The following CPSF3 variants were observed in gnomAD, a reference collection of about 807,000 sequenced individuals.
The protein encoded by CPSF3 is cleavage and polyadenylation specific factor 3.
Under a neutral mutation model 84.1 loss-of-function variants are expected in CPSF3, and 57 were observed. The observed-to-expected ratio is 0.68, with a 90% CI of 0.55 to 0.85. The LOEUF (loss-of-function observed/expected upper bound fraction) is 0.85, where lower values mean the gene tolerates loss of function less well. Ranked by LOEUF, CPSF3 falls within the 40% of genes least tolerant of loss-of-function variation. The pLI is 0.00. For synonymous variants in CPSF3, 275 were observed against 278.1 expected, an observed-to-expected ratio of 0.99 and a Z score of 0.11; for missense variants, 522 against 838.8, an observed-to-expected ratio of 0.62 and a Z score of 4.66.
chr2:9,465,403 C>T (rs55846341), intron 15 of CPSF3, among the ~76,000 whole-genome samples: 10,497 of 151,914 alleles, frequency 0.069, 1,253 homozygotes, highest in African/African-American at 0.24. Context: ...ATGATTGCAC[C>T]ACCGCACTCC....
In CPSF3 at chr2:9,423,768, T is replaced by G; in HGVS notation, c.-6T>G. On this transcript the variant is annotated 5_prime_UTR_variant, in exon 1 of 18. Coordinates refer to ENST00000238112, the MANE Select transcript of CPSF3 (RefSeq NM_016207.4). ...CTCACCCCCGCTTCGCCCTCACACT[T>G]TCGGGATGTCTGCGATTCCTGCTGA... 6.2e-7 allele frequency: 1 copy of G among 1,613,406 alleles called. No homozygotes were observed.
intron 10 of CPSF3, among the ~76,000 whole-genome samples, chr2:9,444,153 TA>T (rs1259709424): frequency 1.1e-4 from 16 of 141,762 alleles, no homozygotes; most frequent in African/African-American, 4.3e-4. Flanking sequence ...TATATATATA[TA>T]TATATTTTTT....
At position 9,440,665 on chromosome 2, in the gene CPSF3, A is replaced by G. The variant is rs763897913; in HGVS notation, c.935A>G (p.Lys312Arg). The change falls in exon 8 of 18, where the codon AAG becomes AGG. Residue 312 changes from lysine to arginine, a missense_variant and splice_region_variant. By Grantham distance (26) the Lys-to-Arg change is conservative (BLOSUM62 2). Around this residue, in one of 2 missense-constraint regions of CPSF3, gnomAD observed 329 missense variants for 607.2 expected, o/e 0.54. Coordinates refer to ENST00000238112, the MANE Select transcript of CPSF3 (RefSeq NM_016207.4). ...PFVFKHISNL[K>R]SMDHFDDIGP... Reference sequence around the variant, plus strand: ...GTTTTCAAACACATTAGTAACCTCAAGGTGAGTGCTTGTGGAAGAAAGACA... The same window carrying G: ...GTTTTCAAACACATTAGTAACCTCAGGGTGAGTGCTTGTGGAAGAAAGACA... 6.2e-7 allele frequency: 1 copy of G among 1,614,076 alleles called. No homozygotes were observed.
intron 1 of CPSF3, 100 bp downstream of exon 1, chr2:9,423,923 C>A: frequency 6.5e-7 from 1 of 1,528,474 alleles, no homozygotes; most frequent in South Asian, 1.2e-5. Context: ...CCCACCTACC[C>A]CGGCAGCCTG....
At chr2:9,430,374 C>A (rs920782604) in intron 3 of CPSF3, among the ~76,000 whole-genome samples, 1 of 152,162 alleles carries the variant, frequency 6.6e-6, no homozygotes, top group African/African-American at 2.4e-5. Context: ...TTTATTGAAA[C>A]TATTTTTAAA....
chr2:9,440,418 GTGTATCATT>G, intron 7 of CPSF3, 64 bp from the exon 8 acceptor site: 1 of 1,226,530 alleles, frequency 8.2e-7, no homozygotes, highest in Non-Finnish European at 1.2e-6. Flanking sequence ...CTTGTTCTGT[GTGTATCATT>G]TGTTATTTGA....
Position 9,430,778 on chromosome 2 carries a change from T to C in CPSF3, c.239T>C (p.Leu80Pro). 2 of 1,613,742 alleles carry C rather than the reference T, an allele frequency of 1.2e-6. No individual in the cohort carries two copies. Among genetic ancestry groups the C allele is most frequent in the Non-Finnish European group, 1.7e-6 (2 of 1,179,770 alleles). Residue 80 changes from leucine to proline, a missense_variant, in exon 4 of 18, where the codon CTG (leucine) becomes CCG (proline). Physicochemically the swap from Leu to Pro is moderately conservative, Grantham distance 98 (BLOSUM62 -3). Around this residue, in one of 2 missense-constraint regions of CPSF3, gnomAD observed 329 missense variants for 607.2 expected, o/e 0.54. Coordinates refer to ENST00000238112, the MANE Select transcript of CPSF3 (RefSeq NM_016207.4). ...TTCCATTTGGATCACTGTGGAGCTC[T>C]GCCCTGGTTTCTACAGAAGACAAGT... Reference protein sequence around the residue: ...SHFHLDHCGALPWFLQKTSFK... With the variant: ...SHFHLDHCGAPPWFLQKTSFK...
chr2:9,439,687 G>A (rs1475895488), intron 7 of CPSF3, among the ~76,000 whole-genome samples: 1 of 152,054 alleles, frequency 6.6e-6, no homozygotes, highest in Non-Finnish European at 1.5e-5. Flanking sequence ...TGGTTAGTAG[G>A]TTTTTAAAAA....
intron 15 of CPSF3, among the ~76,000 whole-genome samples, chr2:9,465,564 C>CAT (rs1491570858): frequency 1.2e-5 from 1 of 82,212 alleles, no homozygotes; most frequent in African/African-American, 3.1e-5. Context: ...CACACACACA[C>CAT]GCGCGCGCGT....
At chr2:9,455,562 G>A (rs926791438) in intron 12 of CPSF3, 97 bp from the exon 13 acceptor site, 4 of 840,942 alleles carry the variant, frequency 4.8e-6, no homozygotes, top group East Asian at 2.5e-5. Context: ...TGAAAAACAT[G>A]TTCACATTTA....
chr2:9,456,288 G>A (rs941191688), intron 13 of CPSF3, among the ~76,000 whole-genome samples: 7 of 152,160 alleles, frequency 4.6e-5, no homozygotes, highest in Admixed American at 2.6e-4. Flanking sequence ...ATGAGGGGCC[G>A]TGACTAAATT....
At chr2:9,460,725 G>C (rs1456747470) in intron 15 of CPSF3, among the ~76,000 whole-genome samples, 7 of 140,362 alleles carry the variant, frequency 5.0e-5, no homozygotes, top group Non-Finnish European at 9.1e-5. Flanking sequence ...TGCCCAGGCT[G>C]CTCTCAAATG....
At chr2:9,428,209 G>T (rs1342782444) in intron 1 of CPSF3, among the ~76,000 whole-genome samples, 2 of 150,002 alleles carry the variant, frequency 1.3e-5, no homozygotes, top group East Asian at 1.9e-4. Context: ...TGTTAGCCAG[G>T]ATGGGTCTCG....
At chr2:9,471,303 C>T (rs778573918) in intron 16 of CPSF3, 40 bp from the exon 17 acceptor site, 48 of 1,178,282 alleles carry the variant, frequency 4.1e-5, no homozygotes, top group East Asian at 4.7e-5. Flanking sequence ...TATATAAAGC[C>T]GGGCATTTTC....
chr2:9,467,265 T>C (rs1392205502), intron 15 of CPSF3, among the ~76,000 whole-genome samples: 2 of 152,122 alleles, frequency 1.3e-5, no homozygotes, highest in Non-Finnish European at 2.9e-5. Flanking sequence ...TTAAAATAAT[T>C]ATATCTAATA....
chr2:9,453,668 G>A (rs1199661806), intron 12 of CPSF3, among the ~76,000 whole-genome samples: 1 of 151,928 alleles, frequency 6.6e-6, no homozygotes, highest in African/African-American at 2.4e-5. Flanking sequence ...CGAGGCAGGT[G>A]GATCACGAGG....
intron 15 of CPSF3, among the ~76,000 whole-genome samples, chr2:9,461,950 C>T (rs188974708): frequency 9.5e-4 from 144 of 151,838 alleles, no homozygotes; most frequent in Non-Finnish European, 1.9e-3. Flanking sequence ...TTAGTAGGGA[C>T]GGGGTTTCTC....
intron 15 of CPSF3, 32 bp from the exon 16 acceptor site, chr2:9,467,675 A>G: frequency 1.3e-6 from 2 of 1,529,724 alleles, no homozygotes; most frequent in Non-Finnish European, 1.8e-6. Context: ...GAATTTAGAA[A>G]CTGAACTCTC....
intron 15 of CPSF3, among the ~76,000 whole-genome samples, chr2:9,464,433 A>G (rs887230114): frequency 2.0e-5 from 3 of 152,014 alleles, no homozygotes; most frequent in Non-Finnish European, 4.4e-5. Flanking sequence ...TTTGTAATAT[A>G]TTTTGTGAGA....
Sources: gnomAD v4.1 joint callset for allele counts (sites outside exome capture counted in the v4.1 genomes callset) on GRCh38, gnomAD v4.1.1 for gene constraint, gnomAD v4.1.1 regional missense constraint, MANE v1.5 for transcripts, NCBI Gene and HGNC (gene_info 2026-07-23, HGNC 2026-07-21) for gene names.